The following CRACDL variants were observed in gnomAD, a reference collection of about 807,000 sequenced individuals.
CRACDL encodes CRACD like, also known as CRACD-like protein.
CRACDL carries 26 observed loss-of-function variants against 70.6 expected under a neutral mutation model. The observed-to-expected ratio is 0.37, with a 90% CI of 0.27 to 0.51. The LOEUF (loss-of-function observed/expected upper bound fraction) is 0.51, where lower values mean the gene tolerates loss of function less well. Among genes scored for constraint, CRACDL ranks in the 20% least tolerant of loss-of-function variants. CRACDL has a pLI of 0.94. For missense variants in CRACDL, 1,283 were observed against 1,376.9 expected, an observed-to-expected ratio of 0.93 and a Z score of 1.08; for synonymous variants, 618 against 615.2, an observed-to-expected ratio of 1.00 and a Z score of -0.07.
chr2:98,877,233 A>G (rs1707508680), intron 1 of CRACDL, among the ~76,000 whole-genome samples: 1 of 152,208 alleles, frequency 6.6e-6, no homozygotes, highest in Admixed American at 6.5e-5. Context: ...TAAGCAGCTG[A>G]GTGACTTGTG....
At chr2:98,808,694 T>C (rs1288305215) in intron 7 of CRACDL, among the ~76,000 whole-genome samples, 2 of 152,214 alleles carry the variant, frequency 1.3e-5, no homozygotes, top group Non-Finnish European at 2.9e-5. Context: ...CCCTTGGCCC[T>C]GCTCAGAGGG....
chr2:98,910,733 T>G (rs78220365), intron 1 of CRACDL, among the ~76,000 whole-genome samples: 1,587 of 152,286 alleles, frequency 0.01, 33 homozygotes, highest in East Asian at 0.074. Context: ...AGCTCAGGGT[T>G]GCAGTTCACC....
intron 1 of CRACDL, among the ~76,000 whole-genome samples, chr2:98,930,393 C>T (rs1573215108): frequency 3.4e-5 from 2 of 59,132 alleles, no homozygotes; most frequent in Non-Finnish European, 3.3e-5. Context: ...TGTCCCCTAC[C>T]CCATCCCCGT....
At chr2:98,795,915 G>A (rs1206695861) in intron 9 of CRACDL, among the ~76,000 whole-genome samples, 1 of 152,224 alleles carries the variant, frequency 6.6e-6, no homozygotes. Flanking sequence ...AACCCGTGTT[G>A]TTCAAGGGTC....
At position 98,797,533 on chromosome 2, in the gene CRACDL, C is replaced by T. The variant is rs371156943; in HGVS notation, c.2421G>A (p.Lys807=). The part of the protein sequence containing the change: ...EKRPLRRGAE[K]SLPPAATGPG... ...GCCCTGTTGCTGCAGGCGGCAGACT[C>T]TTTTCTGTTGGGTAAAGGCACAAGA... Residue 807 remains lysine, a synonymous_variant, in exon 8 of 10, where the codon AAG becomes AAA. Coordinates refer to ENST00000397899, the MANE Select transcript of CRACDL (RefSeq NM_207362.3). The T allele has an allele frequency of 1.2e-6, 2 of 1,613,528 alleles. No individual in the cohort carries two copies. Among genetic ancestry groups the T allele is most frequent in the Admixed American group, 3.3e-5 (2 of 60,004 alleles).
At chr2:98,821,526 C>T (rs534817478) in intron 7 of CRACDL, among the ~76,000 whole-genome samples, 1 of 152,258 alleles carries the variant, frequency 6.6e-6, no homozygotes, top group Admixed American at 6.5e-5. Context: ...CTTCCCTGGG[C>T]CACACTGGAA....
At chr2:98,891,358 C>T (rs987577254) in intron 1 of CRACDL, among the ~76,000 whole-genome samples, 1 of 98,292 alleles carries the variant, frequency 1.0e-5, no homozygotes. Flanking sequence ...GCTTGGGTGA[C>T]AGAGGGAGAC....
At chr2:98,878,094 G>A (rs1707536129) in intron 1 of CRACDL, among the ~76,000 whole-genome samples, 1 of 151,924 alleles carries the variant, frequency 6.6e-6, no homozygotes, top group African/African-American at 2.4e-5. Context: ...GTACAGGCGT[G>A]CGCCACCATA....
chr2:98,882,060 C>T lies in CRACDL; in HGVS notation c.-10-35250G>A, dbSNP rs541569135. ...GGGGCACCTGGTTCCACGTCCCATA[C>T]GACAGTCTCCAGAACAAAAGGTTTT... On this transcript the variant is annotated intron_variant, in intron 1 of 9. Transcript: ENST00000397899. Among the ~76,000 whole-genome samples, 92 of 152,278 alleles carry T rather than the reference C, an allele frequency of 6.0e-4. 1 individual carries two copies. Among genetic ancestry groups the T allele is most frequent in the Non-Finnish European group, 1.1e-3 (76 of 68,026 alleles).
intron 1 of CRACDL, among the ~76,000 whole-genome samples, chr2:98,905,207 A>ACG (rs1708378425): frequency 7.1e-6 from 1 of 141,444 alleles, no homozygotes; most frequent in Admixed American, 7.3e-5. Flanking sequence ...CCGAGATTGC[A>ACG]CCACTGCACT....
intron 7 of CRACDL, among the ~76,000 whole-genome samples, chr2:98,803,123 C>A (rs1393568839): frequency 6.6e-6 from 1 of 151,972 alleles, no homozygotes; most frequent in Non-Finnish European, 1.5e-5. Flanking sequence ...CCTCAGCCTC[C>A]CGAGTAGCTG....
intron 1 of CRACDL, among the ~76,000 whole-genome samples, chr2:98,858,828 A>G (rs1460877374): frequency 6.6e-6 from 1 of 152,186 alleles, no homozygotes; most frequent in East Asian, 1.9e-4. Context: ...TACAGAAATA[A>G]AAAGCATGTA....
chr2:98,906,068 G>A (rs961729090), intron 1 of CRACDL, among the ~76,000 whole-genome samples: 2 of 151,946 alleles, frequency 1.3e-5, no homozygotes, highest in African/African-American at 2.4e-5. Context: ...CCAATTGCAC[G>A]TGTTGGGCTA....
In CRACDL at chr2:98,897,346, A is replaced by G. The variant is rs772983655; in HGVS notation, c.-11+38592T>C. ...GAAGGCACTGACAGCATCGCTAAAT[A>G]TATATTTGCCTTGCTCCTCTTAGCA... On this transcript the variant is annotated intron_variant, in intron 1 of 9. Coordinates refer to ENST00000397899, the MANE Select transcript of CRACDL (RefSeq NM_207362.3). 260 of 1,297,254 alleles carry G rather than the reference A, an allele frequency of 2.0e-4. 1 individual carries two copies. The highest frequency in any genetic ancestry group is 3.8e-4 in the South Asian group (31 of 80,638). The allele number at this position is 1,297,254 out of a possible 1,614,324, so 80.4% of individuals were successfully genotyped here.
intron 1 of CRACDL, among the ~76,000 whole-genome samples, chr2:98,873,840 T>A (rs1166106563): frequency 6.6e-6 from 1 of 152,150 alleles, no homozygotes; most frequent in Non-Finnish European, 1.5e-5. Flanking sequence ...ACCCCATCTC[T>A]ACTAAAAATA....
rs1706282724 is a variant in CRACDL, at chr2:98,846,953, T to C, written c.-10-143A>G. ...CAGTCCAGGGCAGAGTGCAGCACAG[T>C]ACAGGCCAAAACCATATCCACAGCC... is the stretch of plus-strand genomic sequence containing the variant. On this transcript the variant is annotated intron_variant, in intron 1 of 9. Transcript: ENST00000397899. 6 of 661,036 alleles carry C rather than the reference T, an allele frequency of 9.1e-6. No homozygotes were observed. The East Asian group carries it at 1.1e-4, about 12-fold the overall frequency. 40.9% of individuals were successfully genotyped at this position (661,036 alleles called of 1,614,324 possible).
chr2:98,920,286 TATTCCATCTTTG>T (rs1202289769), intron 1 of CRACDL, among the ~76,000 whole-genome samples: 2 of 152,190 alleles, frequency 1.3e-5, no homozygotes, highest in African/African-American at 4.8e-5. Context: ...GGTTCCTGGG[TATTCCATCTTTG>T]ATTCTATCAT....
At chr2:98,808,805 C>G (rs1704430502) in intron 7 of CRACDL, among the ~76,000 whole-genome samples, 1 of 152,192 alleles carries the variant, frequency 6.6e-6, no homozygotes, top group South Asian at 2.1e-4. Flanking sequence ...GTCTCAGCGC[C>G]CCCCACATAA....
At chr2:98,885,162 A>G (rs997643967) in intron 1 of CRACDL, among the ~76,000 whole-genome samples, 2 of 152,246 alleles carry the variant, frequency 1.3e-5, no homozygotes, top group Non-Finnish European at 2.9e-5. Flanking sequence ...GCTGTGGTTC[A>G]TAGAGATGAT....
Sources: gnomAD v4.1 joint callset for allele counts (sites outside exome capture counted in the v4.1 genomes callset) on GRCh38, gnomAD v4.1.1 for gene constraint, MANE v1.5 for transcripts, NCBI Gene and HGNC (gene_info 2026-07-23, HGNC 2026-07-21) for gene names.